Variants in PLEKHB2 observed in about 807,000 individuals in gnomAD.
The protein encoded by PLEKHB2 is pleckstrin homology domain-containing family B member 2.
A neutral mutation model predicts 36.5 loss-of-function variants in PLEKHB2; 31 were observed. That is an observed-to-expected ratio of 0.85 (90% CI 0.64 to 1.15). The LOEUF is 1.15. PLEKHB2 is among the 50% of genes most tolerant of loss of function. The pLI is 0.00. For missense variants in PLEKHB2, 262 were observed against 295.3 expected (o/e 0.89, Z 0.83); for synonymous variants, 119 against 112.0 (o/e 1.06, Z -0.39).
chr2:131,109,648 C>T (rs1695086673), intron 1 of PLEKHB2, among the ~76,000 whole-genome samples: 1 of 152,034 alleles, frequency 6.6e-6, no homozygotes. Flanking sequence ...CAAGATCGCG[C>T]CACTATACTC....
chr2:131,107,384 G>A (rs1694845332), intron 1 of PLEKHB2: 1 of 152,188 alleles, frequency 6.6e-6, no homozygotes, highest in African/African-American at 2.4e-5. Flanking sequence ...GTTCCCAACT[G>A]GAAATGGCCA....
intron 1 of PLEKHB2, among the ~76,000 whole-genome samples, 160 bp downstream of exon 1, chr2:131,105,558 C>T (rs1694613349): frequency 6.6e-6 from 1 of 152,138 alleles, no homozygotes; most frequent in East Asian, 1.9e-4. Flanking sequence ...TTCCCTGAGG[C>T]TCCTGGCCAC....
chr2:131,118,296 G>GA (rs1279784366), intron 1 of PLEKHB2, among the ~76,000 whole-genome samples: 3 of 152,140 alleles, frequency 2.0e-5, no homozygotes, highest in Non-Finnish European at 4.4e-5. Context: ...GGGGAAAAAT[G>GA]AAAAACATTT....
intron 2 of PLEKHB2, 51 bp from the exon 3 acceptor site, chr2:131,125,702 T>C (rs1203531114): frequency 1.3e-6 from 2 of 1,504,328 alleles, no homozygotes; most frequent in Non-Finnish European, 1.8e-6. Context: ...GGCGAAATAG[T>C]AAGACTGTCT....
At chr2:131,142,387 A>G (rs767167399) in intron 7 of PLEKHB2, among the ~76,000 whole-genome samples, 6 of 152,094 alleles carry the variant, frequency 3.9e-5, no homozygotes, top group African/African-American at 7.2e-5. Context: ...CCCAAGTGCT[A>G]TGTAATACTC....
intron 1 of PLEKHB2, among the ~76,000 whole-genome samples, chr2:131,115,444 C>T (rs1695767887): frequency 6.8e-6 from 1 of 147,232 alleles, no homozygotes; most frequent in South Asian, 2.1e-4. Context: ...GTCTCCGCCT[C>T]CCGGGATCAA....
intron 4 of PLEKHB2, among the ~76,000 whole-genome samples, chr2:131,129,081 T>G (rs1374378440): frequency 6.6e-6 from 1 of 152,194 alleles, no homozygotes; most frequent in Non-Finnish European, 1.5e-5. Flanking sequence ...TCCCAGCACT[T>G]TGGGAGGTCA....
At chr2:131,134,589 T>C (rs1309291622) in intron 6 of PLEKHB2, among the ~76,000 whole-genome samples, 1 of 152,222 alleles carries the variant, frequency 6.6e-6, no homozygotes, top group African/African-American at 2.4e-5. Context: ...ATTGTTACCT[T>C]CCTTTGATCC....
chr2:131,111,493 GTT>G (rs1163136912), intron 1 of PLEKHB2, among the ~76,000 whole-genome samples: 3 of 117,796 alleles, frequency 2.5e-5, no homozygotes, highest in Admixed American at 8.5e-5. Flanking sequence ...TTTTATTCTT[GTT>G]TTTTTTTTTT....
chr2:131,126,219 A>C (rs1454930559), intron 3 of PLEKHB2, among the ~76,000 whole-genome samples: 2 of 152,122 alleles, frequency 1.3e-5, no homozygotes, highest in Non-Finnish European at 2.9e-5. Flanking sequence ...TGGTGACTCC[A>C]GTCAATTGCT....
intron 2 of PLEKHB2, among the ~76,000 whole-genome samples, chr2:131,121,833 C>G (rs1696547221): frequency 6.6e-6 from 1 of 152,168 alleles, no homozygotes; most frequent in Non-Finnish European, 1.5e-5. Flanking sequence ...TCTCTGCAAA[C>G]CTGTCTTTCA....
At chr2:131,116,666 C>T (rs1695914708) in intron 1 of PLEKHB2, among the ~76,000 whole-genome samples, 2 of 152,200 alleles carry the variant, frequency 1.3e-5, no homozygotes, top group African/African-American at 4.8e-5. Flanking sequence ...CACCAGGCCC[C>T]TCTGCCAACA....
At chr2:131,132,177 T>C (rs1208746401) in intron 5 of PLEKHB2, among the ~76,000 whole-genome samples, 2 of 152,156 alleles carry the variant, frequency 1.3e-5, no homozygotes, top group Non-Finnish European at 2.9e-5. Flanking sequence ...CTTTAAATTA[T>C]ACTGGGGAGT....
Position 131,140,037 on chromosome 2 carries a change from C to T in PLEKHB2, c.424-130C>T, listed in dbSNP as rs1175933333. On this transcript the variant is annotated intron_variant, in intron 6 of 7. Transcript: ENST00000693505. ...TTTTAAAACGGGGGGCCTAACCACA[C>T]TGTTTCATGTTTTGTTTTGTTTTTT... 3 of 595,312 alleles carry T rather than the reference C, an allele frequency of 5.0e-6. No homozygotes were observed. In the African/African-American group the frequency reaches 5.6e-5, roughly 11 times the overall value. 36.9% of individuals were successfully genotyped at this position (595,312 alleles called of 1,614,324 possible).
chr2:131,130,655 C>G (rs1393442377), intron 4 of PLEKHB2, 66 bp from the exon 5 acceptor site: 9 of 1,183,184 alleles, frequency 7.6e-6, no homozygotes, highest in Non-Finnish European at 1.1e-5. Flanking sequence ...CTGATGCCAG[C>G]CCAGGTTTCA....
At chr2:131,121,107 C>G in intron 2 of PLEKHB2, 129 bp downstream of exon 2, 1 of 798,944 alleles carries the variant, frequency 1.3e-6, no homozygotes, top group East Asian at 2.6e-5. Context: ...TGAGTTTCCC[C>G]TTGGACATTC....
At chr2:131,126,032 C>T (rs1444805630) in intron 3 of PLEKHB2, 127 bp downstream of exon 3, 19 of 907,866 alleles carry the variant, frequency 2.1e-5, no homozygotes, top group South Asian at 3.4e-5. Context: ...CTCAGAGGGG[C>T]GACCACAGTG....
chr2:131,111,099 G>T (rs1559045334), intron 1 of PLEKHB2, among the ~76,000 whole-genome samples: 2 of 151,966 alleles, frequency 1.3e-5, no homozygotes. Context: ...CCGTCTCCCG[G>T]GTTCAAGTGA....
At chr2:131,144,957 A>G (rs1699136347) in intron 7 of PLEKHB2, among the ~76,000 whole-genome samples, 1 of 152,254 alleles carries the variant, frequency 6.6e-6, no homozygotes, top group Admixed American at 6.5e-5. Context: ...TTTGAAATTT[A>G]AACATTGCAA....
Sources: allele counts gnomAD v4.1 joint callset (sites outside exome capture counted in the v4.1 genomes callset), GRCh38; gene constraint gnomAD v4.1.1; transcripts MANE v1.5; gene names NCBI Gene and HGNC (gene_info 2026-07-23, HGNC 2026-07-21).